RILPL2: variants seen among roughly 807,000 people sequenced by gnomAD.
RILPL2 encodes RILP-like protein 2.
RILPL2 carries 19 observed loss-of-function variants against 22.2 expected under a neutral mutation model. The observed-to-expected ratio is 0.86, with a 90% CI of 0.60 to 1.25. The LOEUF is 1.25. Among genes scored for constraint, RILPL2 ranks in the 50% most tolerant of loss-of-function variants. RILPL2 has a pLI of 0.00. For synonymous variants in RILPL2, 123 were observed against 111.6 expected (o/e 1.10, Z -0.64); for missense variants, 243 against 263.6 (o/e 0.92, Z 0.54).
intron 2 of RILPL2, among the ~76,000 whole-genome samples, chr12:123,424,396 A>C (rs1879375833): frequency 6.9e-6 from 1 of 144,004 alleles, no homozygotes; most frequent in African/African-American, 2.6e-5. Context: ...CAGTGGCACG[A>C]TCTCGGCTCA....
chr12:123,431,552 G>A (rs957363212), intron 1 of RILPL2, among the ~76,000 whole-genome samples: 6 of 152,088 alleles, frequency 3.9e-5, no homozygotes, highest in Admixed American at 2.6e-4. Flanking sequence ...GGCCGGGCAC[G>A]GTGGCTCACG....
At chr12:123,423,314 G>T (rs1415722500) in intron 2 of RILPL2, among the ~76,000 whole-genome samples, 157 bp from the exon 3 acceptor site, 1 of 147,806 alleles carries the variant, frequency 6.8e-6, no homozygotes, top group African/African-American at 2.5e-5. Flanking sequence ...TGATTCTCCT[G>T]CCTCTGCCTC....
At position 123,436,241 on chromosome 12, in the gene RILPL2, C is replaced by G. The variant is rs773709464; in HGVS notation, c.180G>C (p.Arg60=). ...RELMALGSDP[R]VTQLQFKVVR... ...CGACTTTGAACTGCAGCTGCGTCAC[C>G]CGGGGGTCGCTGCCCAGGGCCATAA... Residue 60 remains arginine (R), a synonymous_variant, in exon 1 of 4, where the codon CGG becomes CGC. Coordinates refer to ENST00000280571, the MANE Select transcript of RILPL2 (RefSeq NM_145058.3). This position sits in a 1 kb window ranked among gnomAD's most constrained non-coding sequence, Gnocchi z 6.7. 3 of 1,611,956 alleles carry G rather than the reference C, an allele frequency of 1.9e-6. No individual in the cohort carries two copies. The highest frequency in any genetic ancestry group is 1.3e-5 in the African/African-American group (1 of 74,906).
At chr12:123,420,477 C>T (rs560533240) in intron 3 of RILPL2, among the ~76,000 whole-genome samples, 179 of 151,438 alleles carry the variant, frequency 1.2e-3, no homozygotes, top group African/African-American at 4.1e-3. Flanking sequence ...CGTTTTGTTG[C>T]CCAGGCTGGA....
chr12:123,421,908 T>C (rs1879292981), intron 3 of RILPL2, among the ~76,000 whole-genome samples: 1 of 151,826 alleles, frequency 6.6e-6, no homozygotes, highest in Admixed American at 6.6e-5. Flanking sequence ...CCTCAGGTGA[T>C]CTGCCCGCCT....
chr12:123,415,993 A>G, intron 3 of RILPL2, 72 bp from the exon 4 acceptor site: 1 of 1,469,378 alleles, frequency 6.8e-7, no homozygotes, highest in South Asian at 1.1e-5. Flanking sequence ...CCCCCGTAAA[A>G]TTTCTAAGTA....
downstream of RILPL2, chr12:123,411,056 T>G (rs1460969134): frequency 6.6e-6 from 1 of 151,898 alleles, no homozygotes; most frequent in East Asian, 1.9e-4. Context: ...ATTTTTTTTT[T>G]GAGATGGAGT....
the RILPL2 span, chr12:123,409,382 A>G: frequency 6.6e-6 from 1 of 152,506 alleles, no homozygotes; most frequent in Non-Finnish European, 1.5e-5. Flanking sequence ...CTGTTTTTAC[A>G]ATTTGACTGT....
At position 123,430,358 on chromosome 12, in the gene RILPL2, G is replaced by T. The variant is rs916432009; in HGVS notation, c.491+150C>A. 1.2e-3 allele frequency: 731 copies of T among 585,502 alleles called. 4 individuals are homozygous for T. Among genetic ancestry groups the T allele is most frequent in the Non-Finnish European group, 1.0e-3 (392 of 385,962 alleles). The allele number at this position is 585,502 out of a possible 1,614,324, so 36.3% of individuals were successfully genotyped here. A position where few individuals can be genotyped will look rare whatever the true frequency, so the allele number is the denominator to read the frequency against. On this transcript the variant is annotated intron_variant, in intron 2 of 3. Coordinates refer to ENST00000280571, the MANE Select transcript of RILPL2 (RefSeq NM_145058.3). ...CGGGAGGCAGAGGTTGCAGTGAGCC[G>T]AGATCGCGCCACTGCACTCCAGCCT...
chr12:123,432,503 C>A (rs1019984382), intron 1 of RILPL2, among the ~76,000 whole-genome samples: 4 of 152,134 alleles, frequency 2.6e-5, no homozygotes, highest in Non-Finnish European at 4.4e-5. Flanking sequence ...GAGACCCTGT[C>A]TCAAAACATA....
chr12:123,430,562 T>C lies in RILPL2; in HGVS notation c.437A>G (p.Asn146Ser), dbSNP rs768939704. 2 of 1,613,064 alleles carry C rather than the reference T, an allele frequency of 1.2e-6. No homozygotes were observed. The highest frequency in any genetic ancestry group is 1.1e-5 in the South Asian group (1 of 91,040). Residue 146 changes from asparagine (N) to serine (S), a missense_variant, in exon 2 of 4, where the codon AAC (asparagine) becomes AGC (serine). By Grantham distance (46) the Asn-to-Ser change is conservative. Transcript: ENST00000280571. ...QELRDVLQER[N>S]KLKSQLLVVQ... ...CACCAGGAGCTGCGACTTGAGTTTG[T>C]TGCGTTCCTGCAGCACATCCCTTAG...
chr12:123,435,054 C>T (rs1187341460), intron 1 of RILPL2, among the ~76,000 whole-genome samples: 1 of 151,838 alleles, frequency 6.6e-6, no homozygotes, highest in Admixed American at 6.6e-5. Flanking sequence ...GTGGCACACG[C>T]TTGCAATCCC....
At chr12:123,412,076 C>G (rs1878990201), downstream of RILPL2, 1 of 152,158 alleles carries the variant, frequency 6.6e-6, no homozygotes, top group African/African-American at 2.4e-5. Flanking sequence ...CACAGCCACC[C>G]AGGCCATCTT....
chr12:123,410,844 A>G (rs976361082), downstream of RILPL2: 6 of 152,170 alleles, frequency 3.9e-5, no homozygotes, highest in Admixed American at 1.3e-4. Flanking sequence ...ACTAATAGCT[A>G]ATAAGTGCCT....
At chr12:123,431,150 C>A (rs776152271) in intron 1 of RILPL2, among the ~76,000 whole-genome samples, 1 of 152,106 alleles carries the variant, frequency 6.6e-6, no homozygotes, top group Non-Finnish European at 1.5e-5. Flanking sequence ...TAGCAGTAAC[C>A]CAAGTGTCCA....
downstream of RILPL2, among the ~76,000 whole-genome samples, chr12:123,410,359 A>G (rs1325426873): frequency 2.0e-5 from 3 of 152,180 alleles, no homozygotes; most frequent in Non-Finnish European, 2.9e-5. Flanking sequence ...GGTAGATTGG[A>G]ACAGTGAGTA....
intron 2 of RILPL2, among the ~76,000 whole-genome samples, chr12:123,425,391 CT>C (rs1879417249): frequency 6.6e-6 from 1 of 151,856 alleles, no homozygotes; most frequent in Non-Finnish European, 1.5e-5. Flanking sequence ...GTTGGCCACG[CT>C]GGTTTTGAAC....
In RILPL2 at chr12:123,436,370, G is replaced by C. The variant is rs1275198813; in HGVS notation, c.51C>G (p.Asp17Glu). ...CGGGCCCAACCTCGTCCCTCTCCTC[G>C]TCCTCCTCTCCCTCCTCCTCTTCCT... ...REEEEEEGEEDEERDEVGPEG... is the reference protein window; with the variant it reads ...REEEEEEGEEEEERDEVGPEG... Residue 17 changes from aspartate to glutamate, a missense_variant, in exon 1 of 4, where the codon GAC becomes GAG. Asp to Glu is a conservative substitution (Grantham distance 45, BLOSUM62 2). Transcript: ENST00000280571. The surrounding 1 kb of genome is among the most constrained non-coding windows in gnomAD (Gnocchi z 6.7). 6.4e-6 allele frequency: 10 copies of C among 1,553,592 alleles called. No individual in the cohort carries two copies. In the East Asian group the frequency reaches 1.7e-4, roughly 26 times the overall value.
In RILPL2 at chr12:123,430,678, C is replaced by A. The variant is rs763731460; in HGVS notation, c.340-19G>T. ...GGTTCACCTGGAAGAAAAGACGCAACCTTTGCAAGCAACTCTATATAATTA... is the reference window on the plus strand; with the variant it reads ...GGTTCACCTGGAAGAAAAGACGCAAACTTTGCAAGCAACTCTATATAATTA... On this transcript the variant is annotated intron_variant, in intron 1 of 3. Coordinates refer to ENST00000280571, the MANE Select transcript of RILPL2 (RefSeq NM_145058.3). The A allele has an allele frequency of 1.3e-5, 20 of 1,552,976 alleles. No individual in the cohort carries two copies. The highest frequency in any genetic ancestry group is 1.1e-4 in the African/African-American group (8 of 72,058).
Sources: gnomAD v4.1 joint callset for allele counts (sites outside exome capture counted in the v4.1 genomes callset) on GRCh38, gnomAD v4.1.1 for gene constraint, Gnocchi (gnomAD v3.1) non-coding constraint, MANE v1.5 for transcripts, NCBI Gene and HGNC (gene_info 2026-07-23, HGNC 2026-07-21) for gene names.